The following KCNJ3 variants were observed in gnomAD, a reference collection of about 807,000 sequenced individuals.
KCNJ3 encodes the protein potassium inwardly rectifying channel subfamily J member 3.
In KCNJ3, 4 loss-of-function variants were observed where a neutral mutation model predicts 39.2. The observed-to-expected ratio is 0.10, with a 90% CI of 0.05 to 0.23. The LOEUF is 0.23. Among genes scored for constraint, KCNJ3 ranks in the 10% least tolerant of loss-of-function variants. The pLI is 1.00. For missense variants in KCNJ3, 276 were observed against 634.9 expected (o/e 0.43, Z 6.08); for synonymous variants, 230 against 237.4 (o/e 0.97, Z 0.29).
chr2:154,793,755 G>A (rs903655999), intron 2 of KCNJ3, among the ~76,000 whole-genome samples: 3 of 151,950 alleles, frequency 2.0e-5, no homozygotes, highest in African/African-American at 4.8e-5. Context: ...ATGACTAACC[G>A]TTAATATGTT....
At chr2:154,739,236 G>T (rs1345560138) in intron 2 of KCNJ3, among the ~76,000 whole-genome samples, 1 of 151,908 alleles carries the variant, frequency 6.6e-6, no homozygotes, top group South Asian at 2.1e-4. Context: ...TTACTACAGA[G>T]AACTAAGTGT....
chr2:154,723,210 G>A (rs1685293956), intron 2 of KCNJ3, among the ~76,000 whole-genome samples: 1 of 152,056 alleles, frequency 6.6e-6, no homozygotes, highest in African/African-American at 2.4e-5. Flanking sequence ...GCTTGAGTCT[G>A]GGAAGTCAAG....
intron 1 of KCNJ3, among the ~76,000 whole-genome samples, chr2:154,705,751 A>G (rs1283662732): frequency 6.6e-6 from 1 of 152,180 alleles, no homozygotes; most frequent in Non-Finnish European, 1.5e-5. Context: ...TGTTCACGTT[A>G]TAATTTTTTG....
At chr2:154,734,249 C>G (rs1685487770) in intron 2 of KCNJ3, among the ~76,000 whole-genome samples, 1 of 152,114 alleles carries the variant, frequency 6.6e-6, no homozygotes, top group South Asian at 2.1e-4. Context: ...GGCAAGGACG[C>G]CTTAGTTTGT....
chr2:154,785,076 C>T (rs1321826467), intron 2 of KCNJ3, among the ~76,000 whole-genome samples: 1 of 152,202 alleles, frequency 6.6e-6, no homozygotes, highest in African/African-American at 2.4e-5. Flanking sequence ...AGCAGCATTA[C>T]ATGAGTGAAA....
intron 2 of KCNJ3, among the ~76,000 whole-genome samples, chr2:154,765,527 A>G (rs978316243): frequency 6.6e-6 from 1 of 152,340 alleles, no homozygotes. Context: ...GGCACTCAGT[A>G]TGCATTTGTG....
At chr2:154,851,625 A>G (rs1167069110) in intron 2 of KCNJ3, among the ~76,000 whole-genome samples, 2 of 152,212 alleles carry the variant, frequency 1.3e-5, no homozygotes, top group Non-Finnish European at 2.9e-5. Context: ...TATATTTCAG[A>G]TGTTGCCTCA....
chr2:154,713,876 C>G (rs1685140674), intron 2 of KCNJ3, among the ~76,000 whole-genome samples: 1 of 152,160 alleles, frequency 6.6e-6, no homozygotes. Flanking sequence ...CTTTTCTGTA[C>G]TCTCAGGCCT....
At chr2:154,793,226 T>A (rs1297630145) in intron 2 of KCNJ3, among the ~76,000 whole-genome samples, 2 of 152,082 alleles carry the variant, frequency 1.3e-5, no homozygotes, top group South Asian at 2.1e-4. Context: ...TTTTACTGTA[T>A]TTTTTCCCTC....
chr2:154,713,036 A>G (rs539092026), intron 2 of KCNJ3, among the ~76,000 whole-genome samples: 2 of 152,108 alleles, frequency 1.3e-5, no homozygotes, highest in South Asian at 4.2e-4. Flanking sequence ...TGGTTGTAGC[A>G]GAGTGAGCCA....
At chr2:154,807,251 T>C (rs891776065) in intron 2 of KCNJ3, among the ~76,000 whole-genome samples, 3 of 152,164 alleles carry the variant, frequency 2.0e-5, no homozygotes, top group African/African-American at 7.2e-5. Context: ...TGAAGGGCTC[T>C]TATTACCATT....
chr2:154,732,620 C>T (rs1685465973), intron 2 of KCNJ3, among the ~76,000 whole-genome samples: 1 of 152,072 alleles, frequency 6.6e-6, no homozygotes, highest in African/African-American at 2.4e-5. Flanking sequence ...GTATTCATTA[C>T]AATGTGCCAG....
intron 2 of KCNJ3, among the ~76,000 whole-genome samples, chr2:154,762,334 G>T (rs544263498): frequency 1.9e-4 from 29 of 152,314 alleles, no homozygotes; most frequent in African/African-American, 7.0e-4. Flanking sequence ...CGTTGTCATA[G>T]TGTGAAGAGT....
chr2:154,729,535 AG>A (rs1338212273), intron 2 of KCNJ3, among the ~76,000 whole-genome samples: 1 of 152,136 alleles, frequency 6.6e-6, no homozygotes, highest in Non-Finnish European at 1.5e-5. Flanking sequence ...TAGTTGATTT[AG>A]GCCTTCTTGT....
chr2:154,817,906 T>C (rs1487650542), intron 2 of KCNJ3, among the ~76,000 whole-genome samples: 4 of 152,148 alleles, frequency 2.6e-5, no homozygotes. Context: ...ATTTAAAGCA[T>C]GGTCAATAAA....
At chr2:154,751,758 C>A (rs1236834093) in intron 2 of KCNJ3, among the ~76,000 whole-genome samples, 1 of 152,054 alleles carries the variant, frequency 6.6e-6, no homozygotes, top group African/African-American at 2.4e-5. Flanking sequence ...AGCCCAAGAT[C>A]AAGGAGTCAG....
intron 2 of KCNJ3, among the ~76,000 whole-genome samples, chr2:154,766,564 A>C (rs1686139718): frequency 6.6e-6 from 1 of 151,902 alleles, no homozygotes; most frequent in African/African-American, 2.4e-5. Context: ...TTTTTATTTT[A>C]TATATTTTTT....
chr2:154,738,909 C>G (rs1047530218), intron 2 of KCNJ3, among the ~76,000 whole-genome samples: 1 of 151,606 alleles, frequency 6.6e-6, no homozygotes, highest in African/African-American at 2.4e-5. Context: ...AAAAATAGTA[C>G]CAGATGAAGT....
chr2:154,766,796 C>T (rs1347291081), intron 2 of KCNJ3, among the ~76,000 whole-genome samples: 1 of 151,930 alleles, frequency 6.6e-6, no homozygotes, highest in African/African-American at 2.4e-5. Context: ...CCTCGTGACC[C>T]GCCCACCTCG....
Sources: allele counts gnomAD v4.1 joint callset (sites outside exome capture counted in the v4.1 genomes callset), GRCh38; gene constraint gnomAD v4.1.1; transcripts MANE v1.5; gene names NCBI Gene and HGNC (gene_info 2026-07-23, HGNC 2026-07-21).